Variants in CAST observed in about 807,000 individuals in gnomAD.
CAST encodes MIR583 host.
In CAST, 76 loss-of-function variants were observed where a neutral mutation model predicts 119.6. The observed-to-expected ratio is 0.64, with a 90% confidence interval of 0.53 to 0.77. The LOEUF (loss-of-function observed/expected upper bound fraction) is 0.77, where lower values mean the gene tolerates loss of function less well. CAST is among the 30% of genes least tolerant of loss of function. The probability of loss-of-function intolerance (pLI) is 0.00; values close to 1 mark genes in which losing one functional copy is unlikely to be tolerated. For missense variants in CAST, 953 were observed against 946.5 expected (o/e 1.01, Z -0.09); for synonymous variants, 319 against 331.6 (o/e 0.96, Z 0.41).
chr5:96,326,001 T>C, the CAST span, among the ~76,000 whole-genome samples: 2 of 152,206 alleles, frequency 1.3e-5, no homozygotes, highest in Non-Finnish European at 1.5e-5. Context: ...CATCTCAAAC[T>C]ATTCCCAACG....
At chr5:96,289,694 C>G in the CAST span, among the ~76,000 whole-genome samples, 3 of 152,108 alleles carry the variant, frequency 2.0e-5, no homozygotes, top group African/African-American at 7.2e-5. Flanking sequence ...TGAAAACGAA[C>G]AAACACACTG....
chr5:96,714,183 T>A (rs1031407657), intron 3 of CAST, among the ~76,000 whole-genome samples: 10 of 152,310 alleles, frequency 6.6e-5, no homozygotes, highest in Middle Eastern at 6.8e-3. Context: ...TATCTTTTTT[T>A]ATATACATTA....
the CAST span, among the ~76,000 whole-genome samples, chr5:96,360,960 C>T: frequency 6.6e-6 from 1 of 152,258 alleles, no homozygotes; most frequent in Middle Eastern, 3.4e-3. Flanking sequence ...GTGCTGTGTC[C>T]CAGCCTAATG....
intron 1 of CAST, among the ~76,000 whole-genome samples, chr5:96,620,410 A>G (rs1188145134): frequency 6.6e-6 from 1 of 151,706 alleles, no homozygotes; most frequent in African/African-American, 2.4e-5. Context: ...TTCTGAGGCT[A>G]GCAGTATGCT....
intron 1 of CAST, among the ~76,000 whole-genome samples, chr5:96,547,378 G>A (rs1746037734): frequency 1.3e-5 from 2 of 152,182 alleles, no homozygotes; most frequent in African/African-American, 4.8e-5. Flanking sequence ...GGTGCCACTT[G>A]TGTAAGTCCT....
At chr5:96,687,638 T>C (rs1346821072) in intron 2 of CAST, among the ~76,000 whole-genome samples, 1 of 152,204 alleles carries the variant, frequency 6.6e-6, no homozygotes, top group Admixed American at 6.5e-5. Context: ...TCCTAAATGA[T>C]CTAATTCAAG....
At chr5:96,741,228 T>C in intron 13 of CAST, 38 bp from the exon 14 acceptor site, 1 of 1,115,110 alleles carries the variant, frequency 9.0e-7, no homozygotes, top group Non-Finnish European at 1.4e-6. Context: ...ACTTGAGTGC[T>C]TCCCGTAAGT....
the CAST span, among the ~76,000 whole-genome samples, chr5:96,452,543 A>G: frequency 6.7e-6 from 1 of 148,440 alleles, no homozygotes; most frequent in African/African-American, 2.5e-5. Context: ...CCTAATGTAG[A>G]TGACGTGTTG....
At chr5:96,531,260 TAAG>T (rs1469459770) in intron 1 of CAST, among the ~76,000 whole-genome samples, 2 of 152,134 alleles carry the variant, frequency 1.3e-5, no homozygotes, top group African/African-American at 4.8e-5. Context: ...GTGGCAGGCT[TAAG>T]AAGAGACCCA....
rs189738999 is a variant in CAST, at chr5:96,671,715, T to G, written c.76-3824T>G. On this transcript the variant is annotated intron_variant, in intron 1 of 31. Coordinates refer to ENST00000675179, the MANE Select transcript of CAST (RefSeq NM_001750.7). ...AATTAGTTTTGTGGTTCAGTTCTCT[T>G]TCCCCAGCTGTCAATCCTTCCCTGT... 3.9e-3 allele frequency among the ~76,000 whole-genome samples: 588 copies of G among 152,334 alleles called. 11 individuals are homozygous for G. The highest frequency in any genetic ancestry group is 0.033 in the South Asian group (160 of 4,824).
At chr5:96,331,336 C>A in the CAST span, among the ~76,000 whole-genome samples, 1 of 152,112 alleles carries the variant, frequency 6.6e-6, no homozygotes, top group African/African-American at 2.4e-5. Flanking sequence ...GAAACCAAAC[C>A]GAAGGAGGAG....
the CAST span, among the ~76,000 whole-genome samples, chr5:96,301,797 C>T: frequency 6.6e-6 from 1 of 152,212 alleles, no homozygotes; most frequent in Non-Finnish European, 1.5e-5. Context: ...CAGTGTACAG[C>T]CCCTGTAGCT....
the CAST span, among the ~76,000 whole-genome samples, chr5:96,245,869 C>T: frequency 4.6e-5 from 7 of 152,120 alleles, no homozygotes; most frequent in African/African-American, 1.7e-4. Flanking sequence ...TCTTAGGGTG[C>T]TAGCTATGAG....
At chr5:96,401,585 T>C in the CAST span, among the ~76,000 whole-genome samples, 1 of 152,360 alleles carries the variant, frequency 6.6e-6, no homozygotes, top group East Asian at 1.9e-4. Flanking sequence ...TTGTTGGATC[T>C]ATTATACTAT....
rs752706348 is a variant in CAST, at chr5:96,768,003, CTG to C, written c.2268+7_2268+8del. 15 of 1,596,878 alleles carry C rather than the reference CTG, an allele frequency of 9.4e-6. No homozygotes were observed. The highest frequency in any genetic ancestry group is 1.3e-5 in the Non-Finnish European group (15 of 1,164,676). On this transcript the variant is annotated splice_donor_5th_base_variant and intron_variant, in intron 29 of 31. Transcript: ENST00000675179. Reference sequence around the variant, plus strand: ...AACCTCACAGAACACAGCAAAGGTACTGTGCTTTTTCACATTTCACTCTTTGA... The same window carrying C: ...AACCTCACAGAACACAGCAAAGGTACTGCTTTTTCACATTTCACTCTTTGA...
At chr5:96,028,800 C>T in the CAST span, among the ~76,000 whole-genome samples, 1 of 151,762 alleles carries the variant, frequency 6.6e-6, no homozygotes, top group Non-Finnish European at 1.5e-5. Flanking sequence ...TGGTTTCATT[C>T]CTATTGTAAA....
chr5:96,478,855 T>C, the CAST span, among the ~76,000 whole-genome samples: 1 of 152,196 alleles, frequency 6.6e-6, no homozygotes, highest in African/African-American at 2.4e-5. Flanking sequence ...TGCATATCTA[T>C]ATAATTAAAA....
chr5:96,054,417 C>T, the CAST span, among the ~76,000 whole-genome samples: 2 of 151,956 alleles, frequency 1.3e-5, no homozygotes, highest in African/African-American at 4.8e-5. Flanking sequence ...CCATGCCTGG[C>T]TTGTCCTGGG....
chr5:96,543,035 A>G (rs1745941640), intron 1 of CAST, among the ~76,000 whole-genome samples: 1 of 152,236 alleles, frequency 6.6e-6, no homozygotes, highest in Admixed American at 6.5e-5. Flanking sequence ...ATTACTGGAT[A>G]TATACCCAAA....
Sources: allele counts gnomAD v4.1 joint callset (sites outside exome capture counted in the v4.1 genomes callset), GRCh38; gene constraint gnomAD v4.1.1; transcripts MANE v1.5; gene names NCBI Gene and HGNC (gene_info 2026-07-23, HGNC 2026-07-21).